Variants in ST6GALNAC4 observed in about 807,000 individuals in gnomAD.
ST6GALNAC4 encodes the protein alpha-N-acetyl-neuraminyl-2,3-beta-galactosyl-1,3-N-acetyl-galactosaminide alpha-2,6-sialyltransferase.
In ST6GALNAC4, 24 loss-of-function variants were observed where a neutral mutation model predicts 30.4. That is an observed-to-expected ratio of 0.79 (90% CI 0.57 to 1.11). The LOEUF (loss-of-function observed/expected upper bound fraction) is 1.11. Among genes scored for constraint, ST6GALNAC4 ranks in the 50% most tolerant of loss-of-function variants. The pLI is 0.00. For synonymous variants in ST6GALNAC4, 156 were observed against 179.7 expected, an observed-to-expected ratio of 0.87 and a Z score of 1.05; for missense variants, 365 against 430.1, an observed-to-expected ratio of 0.85 and a Z score of 1.34.
rs1036974035 is a variant in ST6GALNAC4, at chr9:127,911,030, C to G, written c.612-972G>C. ...CAAGAGGAGCCTGTCATGGGAAGAT[C>G]TGGGAGAAGAACATTCCAGGGAGAG... On this transcript the variant is annotated intron_variant, in intron 4 of 5. Transcript: ENST00000335791. 3.3e-5 allele frequency among the ~76,000 whole-genome samples: 5 copies of G among 152,230 alleles called. No homozygotes were observed. The South Asian group carries it at 1.0e-3, about 32-fold the overall frequency.
intron 5 of ST6GALNAC4, among the ~76,000 whole-genome samples, chr9:127,909,156 G>A (rs901542117): frequency 6.6e-6 from 1 of 152,180 alleles, no homozygotes; most frequent in Non-Finnish European, 1.5e-5. Flanking sequence ...GGGAGGCCAA[G>A]GCGGGAGGAT....
chr9:127,910,049 C>T lies in ST6GALNAC4; in HGVS notation c.621G>A (p.Ser207=), dbSNP rs767331521. Residue 207 remains serine (S), a synonymous_variant, in exon 5 of 6, where the codon TCG becomes TCA. Coordinates refer to ENST00000335791, the MANE Select transcript of ST6GALNAC4 (RefSeq NM_175039.4). ...ACCAGCCGGTGCTGAGGAAGGAGCC[C>T]GACTGCCTCCTGGGGGTGGCGGGGG... The part of the protein sequence containing the change: ...QDETGKNRRQ[S]GSFLSTGWFT... The T allele has an allele frequency of 1.8e-5, 29 of 1,613,142 alleles. No individual in the cohort carries two copies. The highest frequency in any genetic ancestry group is 8.0e-5 in the African/African-American group (6 of 74,910).
chr9:127,916,138 CCA>C lies in ST6GALNAC4; in HGVS notation c.12+268_12+269del. On this transcript the variant is annotated intron_variant, in intron 2 of 5. Coordinates refer to ENST00000335791, the MANE Select transcript of ST6GALNAC4 (RefSeq NM_175039.4). ...AGCGGCTGAACTGAACTTCACAACC[CCA>C]GTTCCACGTAGGCTTTGCCTGGTGA... is the stretch of plus-strand genomic sequence containing the variant. 3 of 569,002 alleles carry C rather than the reference CCA, an allele frequency of 5.3e-6. No homozygotes were observed. In the South Asian group the frequency reaches 6.5e-5, roughly 12 times the overall value. The allele number at this position is 569,002 out of a possible 1,614,324, so 35.2% of individuals were successfully genotyped here. A position where few individuals can be genotyped will look rare whatever the true frequency, so the allele number is the denominator to read the frequency against.
At chr9:127,916,369 C>T (rs746321623) in intron 2 of ST6GALNAC4, 39 bp downstream of exon 2, 1 of 1,614,038 alleles carries the variant, frequency 6.2e-7, no homozygotes, top group Non-Finnish European at 8.5e-7. Flanking sequence ...CCAGTCGGGG[C>T]CTCTGCGTTC....
chr9:127,910,076 A>G lies in ST6GALNAC4; in HGVS notation c.612-18T>C. 1 of 1,611,096 alleles carries G rather than the reference A, an allele frequency of 6.2e-7. No homozygotes were observed. Among genetic ancestry groups the G allele is most frequent in the Non-Finnish European group, 8.5e-7 (1 of 1,178,948 alleles). ...ACTGCCTCCTGGGGGTGGCGGGGGGACAGGGGGACGCTGTCAACAAGAGGC... is the reference window on the plus strand; with the variant it reads ...ACTGCCTCCTGGGGGTGGCGGGGGGGCAGGGGGACGCTGTCAACAAGAGGC... On this transcript the variant is annotated intron_variant, in intron 4 of 5. Coordinates refer to ENST00000335791, the MANE Select transcript of ST6GALNAC4 (RefSeq NM_175039.4).
At chr9:127,913,267 C>A (rs1253617285) in intron 3 of ST6GALNAC4, among the ~76,000 whole-genome samples, 2 of 152,250 alleles carry the variant, frequency 1.3e-5, no homozygotes, top group Non-Finnish European at 2.9e-5. Flanking sequence ...CGCCTCAAGT[C>A]TCTCATCTAT....
At chr9:127,916,705 C>G (rs1444613075) in intron 1 of ST6GALNAC4, 121 bp downstream of exon 1, 1 of 556,084 alleles carries the variant, frequency 1.8e-6, no homozygotes, top group African/African-American at 1.9e-5. Flanking sequence ...CCTGCCAACC[C>G]AATTCCCAGT....
At chr9:127,915,675 G>A (rs1446425151) in intron 2 of ST6GALNAC4, among the ~76,000 whole-genome samples, 5 of 152,184 alleles carry the variant, frequency 3.3e-5, no homozygotes, top group Non-Finnish European at 7.4e-5. Flanking sequence ...CTCCCAGGAG[G>A]GGAAGGGCTT....
At chr9:127,915,358 C>T (rs1831173968) in intron 2 of ST6GALNAC4, among the ~76,000 whole-genome samples, 1 of 152,210 alleles carries the variant, frequency 6.6e-6, no homozygotes, top group South Asian at 2.1e-4. Context: ...GGCCACCAGC[C>T]CCTTCAGCCT....
Position 127,912,320 on chromosome 9 carries a change from G to A in ST6GALNAC4, c.559C>T (p.Arg187Cys), listed in dbSNP as rs141209911. The change falls in exon 4 of 6, where the codon CGC becomes TGC. Residue 187 changes from arginine (R) to cysteine (C), a missense_variant. By Grantham distance (180) the Arg-to-Cys change is radical (BLOSUM62 -3). Coordinates refer to ENST00000335791, the MANE Select transcript of ST6GALNAC4 (RefSeq NM_175039.4). ...ATCTGGTCGCAGTAGGCCATCATGC[G>A]CTCCGTGAAGGTGTACACCTGCAGG... ...PGLQVYTFTERMMAYCDQIFQ... is the reference protein window; with the variant it reads ...PGLQVYTFTECMMAYCDQIFQ... 1.6e-5 allele frequency: 26 copies of A among 1,613,840 alleles called. No homozygotes were observed. The highest frequency in any genetic ancestry group is 3.3e-5 in the Admixed American group (2 of 60,000).
rs778507736 is a variant in ST6GALNAC4, at chr9:127,908,415, G to A, written c.886C>T (p.His296Tyr). ...AGCTACTCAGTCCTCCAGGACGGAT[G>A]GGCGAACACGATGGGCCTCTTCTTG... ...WAKKRPIVFA[H>Y]PSWRTE Residue 296 changes from histidine (H) to tyrosine (Y), a missense_variant, in exon 6 of 6, where the codon CAT becomes TAT. Coordinates refer to ENST00000335791, the MANE Select transcript of ST6GALNAC4 (RefSeq NM_175039.4). 23 of 1,577,224 alleles carry A rather than the reference G, an allele frequency of 1.5e-5. No individual in the cohort carries two copies. Among genetic ancestry groups the A allele is most frequent in the African/African-American group, 2.7e-5 (2 of 74,202 alleles).
intron 1 of ST6GALNAC4, 125 bp from the exon 2 acceptor site, chr9:127,916,619 C>T (rs1380904963): frequency 1.6e-6 from 1 of 618,430 alleles, no homozygotes; most frequent in Admixed American, 2.8e-5. Flanking sequence ...GGAATCCAAC[C>T]CCTTGACGTC....
At position 127,908,377 on chromosome 9, in the gene ST6GALNAC4, G is replaced by T; in HGVS notation, c.*15C>A. 6.6e-7 allele frequency: 1 copy of T among 1,516,436 alleles called. No individual in the cohort carries two copies. Among genetic ancestry groups the T allele is most frequent in the Non-Finnish European group, 8.9e-7 (1 of 1,121,634 alleles). The allele number at this position is 1,516,436 out of a possible 1,614,324, so 93.9% of individuals were successfully genotyped here. On this transcript the variant is annotated 3_prime_UTR_variant, in exon 6 of 6. Transcript: ENST00000335791. ...AGGCCTCGCAACGGCATGGCGACTG[G>T]CAGGACGACGGAAGCTACTCAGTCC...
intron 1 of ST6GALNAC4, 30 bp downstream of exon 1, chr9:127,916,795 GA>G: frequency 2.9e-6 from 1 of 339,604 alleles, no homozygotes; most frequent in East Asian, 5.6e-5. Context: ...GAGAGAGCCA[GA>G]AGCCCGGAAT....
chr9:127,914,633 G>A (rs1295996128), intron 3 of ST6GALNAC4, 23 bp downstream of exon 3: 3 of 1,583,718 alleles, frequency 1.9e-6, no homozygotes, highest in Admixed American at 1.8e-5. Flanking sequence ...ACCCACCCCG[G>A]ATGCATTGCC....
At position 127,912,319 on chromosome 9, in the gene ST6GALNAC4, C is replaced by A. The variant is rs565160801; in HGVS notation, c.560G>T (p.Arg187Leu). 9.3e-6 allele frequency: 15 copies of A among 1,613,914 alleles called. No individual in the cohort carries two copies. Among genetic ancestry groups the A allele is most frequent in the Non-Finnish European group, 1.2e-5 (14 of 1,179,960 alleles). Reference sequence around the variant, plus strand: ...GATCTGGTCGCAGTAGGCCATCATGCGCTCCGTGAAGGTGTACACCTGCAG... The same window carrying A: ...GATCTGGTCGCAGTAGGCCATCATGAGCTCCGTGAAGGTGTACACCTGCAG... ...PGLQVYTFTE[R>L]MMAYCDQIFQ... Residue 187 changes from arginine to leucine, a missense_variant, in exon 4 of 6, where the codon CGC becomes CTC. By Grantham distance (102) the Arg-to-Leu change is moderately radical. Coordinates refer to ENST00000335791, the MANE Select transcript of ST6GALNAC4 (RefSeq NM_175039.4).
intron 5 of ST6GALNAC4, among the ~76,000 whole-genome samples, chr9:127,909,711 G>A (rs1831030074): frequency 6.7e-6 from 1 of 149,762 alleles, no homozygotes; most frequent in Admixed American, 6.7e-5. Context: ...TCTGCGGGGT[G>A]GCATGACTGG....
rs1463420776 is a variant in ST6GALNAC4 at position 127,909,329 on chromosome 9, C to T, written c.719+622G>A. ...GCTTGAACCCGGGAGGTGGAGGTTG[C>T]AGTGAGCCAAGATCGCGCCACTGCA... On this transcript the variant is annotated intron_variant, in intron 5 of 5. Transcript: ENST00000335791. 8.6e-5 allele frequency among the ~76,000 whole-genome samples: 13 copies of T among 150,344 alleles called. No homozygotes were observed. In the South Asian group the frequency reaches 1.0e-3, roughly 12 times the overall value.
chr9:127,910,764 G>A (rs1460881155), intron 4 of ST6GALNAC4, among the ~76,000 whole-genome samples: 1 of 152,200 alleles, frequency 6.6e-6, no homozygotes, highest in Non-Finnish European at 1.5e-5. Flanking sequence ...CAGGCCCTGT[G>A]CTGGCCCAGA....
Sources: gnomAD v4.1 joint callset for allele counts (sites outside exome capture counted in the v4.1 genomes callset) on GRCh38, gnomAD v4.1.1 for gene constraint, MANE v1.5 for transcripts, NCBI Gene and HGNC (gene_info 2026-07-23, HGNC 2026-07-21) for gene names.